Variants in HEXD observed in about 807,000 individuals in gnomAD.
HEXD encodes the protein hexosaminidase D.
In HEXD, 47 loss-of-function variants were observed where a neutral mutation model predicts 54.2. The ratio of observed to expected loss-of-function variants is 0.87; its 90% CI spans 0.69 to 1.11. The LOEUF is 1.11. HEXD is among the 50% of genes least tolerant of loss of function. The pLI, the probability that HEXD is intolerant of heterozygous loss-of-function variation, is 0.00. For synonymous variants in HEXD, 293 were observed against 287.6 expected (o/e 1.02, Z -0.19); for missense variants, 576 against 649.2 (o/e 0.89, Z 1.23).
intron 4 of HEXD, among the ~76,000 whole-genome samples, chr17:82,430,318 T>G (rs1227395877): frequency 6.6e-6 from 1 of 152,186 alleles, no homozygotes; most frequent in Non-Finnish European, 1.5e-5. Flanking sequence ...ACATCCAAAA[T>G]CAGCGTGTCG....
In HEXD at chr17:82,433,730, G is replaced by A. The variant is rs750795771; in HGVS notation, c.355G>A (p.Glu119Lys). The A allele has an allele frequency of 1.8e-5, 29 of 1,613,122 alleles. No homozygotes were observed. The highest frequency in any genetic ancestry group is 6.7e-5 in the Admixed American group (4 of 59,978). ...GSFPCTLNPH[E>K]AESLALVGAM... ...CTTCCCCTGCACCCTGAACCCCCAC[G>A]AGGCAGAGTCCCTGGCGCTGGTGGG... Residue 119 changes from glutamate to lysine, a missense_variant, in exon 5 of 13, where the codon GAG (glutamate) becomes AAG (lysine). Physicochemically the swap from Glu to Lys is moderately conservative, Grantham distance 56. Coordinates refer to ENST00000327949, the MANE Select transcript of HEXD (RefSeq NM_001330542.2).
At chr17:82,436,352 G>A (rs903134527) in intron 6 of HEXD, among the ~76,000 whole-genome samples, 2 of 152,240 alleles carry the variant, frequency 1.3e-5, no homozygotes, top group African/African-American at 2.4e-5. Flanking sequence ...GGGCCGTGCC[G>A]GCCTGGCAGC....
At chr17:82,428,410 TC>T (rs2053481341) in intron 3 of HEXD, 147 bp from the exon 4 acceptor site, 2 of 594,956 alleles carry the variant, frequency 3.4e-6, no homozygotes, top group Non-Finnish European at 5.9e-6. Context: ...TTTCCAGAAA[TC>T]AGGATACCTG....
At position 82,434,937 on chromosome 17, in the gene HEXD, G is replaced by T. The variant is rs933891212; in HGVS notation, c.448-752G>T. On this transcript the variant is annotated intron_variant, in intron 5 of 12. Coordinates refer to ENST00000327949, the MANE Select transcript of HEXD (RefSeq NM_001330542.2). The surrounding 1 kb of genome is among the most constrained non-coding windows in gnomAD (Gnocchi z 4.5). ...GAGGCAGGTGGACCACCTGAGATCAGGAGTTCAAGATCAGCCTGGCCAACA... is the reference window on the plus strand; with the variant it reads ...GAGGCAGGTGGACCACCTGAGATCATGAGTTCAAGATCAGCCTGGCCAACA... Among the ~76,000 whole-genome samples, 8 of 151,966 alleles carry T rather than the reference G, an allele frequency of 5.3e-5. No homozygotes were observed. Among genetic ancestry groups the T allele is most frequent in the African/African-American group, 1.9e-4 (8 of 41,360 alleles).
At chr17:82,431,128 G>C (rs2053564237) in intron 4 of HEXD, among the ~76,000 whole-genome samples, 1 of 151,328 alleles carries the variant, frequency 6.6e-6, no homozygotes, top group Admixed American at 6.6e-5. Flanking sequence ...TCAGCCTCCT[G>C]AGTAGCAGGG....
rs376168139 is a variant in HEXD at position 82,442,076 on chromosome 17, C to G, written c.1254-101C>G. The stretch of plus-strand genomic sequence containing the variant: ...TGCCGATGAGGTAGGGTCAGTAGCC[C>G]CATTTCACAGGTGAACTGAGGCACA... On this transcript the variant is annotated intron_variant, in intron 12 of 12. Coordinates refer to ENST00000327949, the MANE Select transcript of HEXD (RefSeq NM_001330542.2). The surrounding 1 kb of genome is among the most constrained non-coding windows in gnomAD (Gnocchi z 6.8). 6.9e-5 allele frequency: 99 copies of G among 1,431,200 alleles called. No homozygotes were observed. The African/African-American group carries it at 1.2e-3, about 18-fold the overall frequency. 88.7% of individuals were successfully genotyped at this position (1,431,200 alleles called of 1,614,324 possible). A position where few individuals can be genotyped will look rare whatever the true frequency, so the allele number is the denominator to read the frequency against.
At chr17:82,437,765 T>G (rs2053814481) in intron 8 of HEXD, among the ~76,000 whole-genome samples, 1 of 152,122 alleles carries the variant, frequency 6.6e-6, no homozygotes, top group South Asian at 2.1e-4. Flanking sequence ...AGGAAAGAAT[T>G]CAAGGCCAAG....
At chr17:82,435,495 C>T (rs1380498911) in intron 5 of HEXD, among the ~76,000 whole-genome samples, 194 bp from the exon 6 acceptor site, 1 of 152,170 alleles carries the variant, frequency 6.6e-6, no homozygotes, top group Non-Finnish European at 1.5e-5. Flanking sequence ...TCACAGGAAA[C>T]CTTGAGTAGA....
intron 4 of HEXD, among the ~76,000 whole-genome samples, chr17:82,431,005 GTTAT>G (rs905213846): frequency 1.3e-5 from 2 of 152,038 alleles, no homozygotes; most frequent in Non-Finnish European, 2.9e-5. Flanking sequence ...GAACATCCAA[GTTAT>G]TTGTCTTGAG....
chr17:82,435,050 C>T (rs1465806905), intron 5 of HEXD, among the ~76,000 whole-genome samples: 2 of 152,148 alleles, frequency 1.3e-5, no homozygotes, highest in African/African-American at 4.8e-5. Context: ...GAGACTGAGG[C>T]AGGAGAATCA....
chr17:82,436,641 C>T, intron 6 of HEXD, 26 bp from the exon 7 acceptor site: 2 of 1,594,648 alleles, frequency 1.3e-6, no homozygotes, highest in Non-Finnish European at 1.7e-6. Context: ...GGTGTCTCAC[C>T]AACCTCACGT....
intron 4 of HEXD, among the ~76,000 whole-genome samples, chr17:82,433,128 A>ATATATATTTTT (rs71168109): frequency 1.5e-4 from 2 of 13,072 alleles, no homozygotes; most frequent in African/African-American, 3.8e-4. Flanking sequence ...ATATATATAT[A>ATATATATTTTT]TTTTTTTTTT....
Position 82,437,349 on chromosome 17 carries a change from G to T in HEXD, c.885G>T (p.Leu295=). ...CGGACTCACTGCAGGGCATCATCCT[G>T]ACCGGCTGGCAGAGGTAAGTCCTGG... is the stretch of plus-strand genomic sequence containing the variant. ...GPTDSLQGII[L]TGWQRYDHYS... The change falls in exon 8 of 13, where the codon CTG becomes CTT. Residue 295 remains leucine, a synonymous_variant. Transcript: ENST00000327949. 1 of 1,601,374 alleles carries T rather than the reference G, an allele frequency of 6.2e-7. No individual in the cohort carries two copies. The highest frequency in any genetic ancestry group is 1.1e-5 in the South Asian group (1 of 89,894).
intron 1 of HEXD, 46 bp from the exon 2 acceptor site, chr17:82,419,703 G>A: frequency 2.8e-6 from 2 of 715,016 alleles, no homozygotes; most frequent in South Asian, 1.7e-5. Context: ...AAAGGCAAAG[G>A]GAGAAGCTTC....
chr17:82,419,537 G>A (rs1310716324), intron 1 of HEXD, among the ~76,000 whole-genome samples: 1 of 152,076 alleles, frequency 6.6e-6, no homozygotes, highest in Non-Finnish European at 1.5e-5. Context: ...AACTAGTGCT[G>A]TTTTGTTTTA....
At chr17:82,441,710 C>G in intron 11 of HEXD, 90 bp from the exon 12 acceptor site, 1 of 972,674 alleles carries the variant, frequency 1.0e-6, no homozygotes, top group South Asian at 1.3e-5. Flanking sequence ...AAATGTCAAC[C>G]CCATTCTTAA....
chr17:82,432,126 A>G (rs961623154), intron 4 of HEXD, among the ~76,000 whole-genome samples: 2 of 152,134 alleles, frequency 1.3e-5, no homozygotes, highest in African/African-American at 4.8e-5. Flanking sequence ...CCACACCTTG[A>G]GCCCACAGAC....
At chr17:82,435,974 C>T in intron 6 of HEXD, 102 bp downstream of exon 6, 2 of 1,190,804 alleles carry the variant, frequency 1.7e-6, no homozygotes, top group Non-Finnish European at 2.3e-6. Flanking sequence ...CAGGGTGAGC[C>T]CCAGCCCCGC....
At position 82,442,360 on chromosome 17, in the gene HEXD, C is replaced by A. The variant is rs150076334; in HGVS notation, c.1437C>A (p.Gly479=). The A allele has an allele frequency of 9.2e-4, 1,475 of 1,611,074 alleles. 6 individuals carry two copies. In the African/African-American group the frequency reaches 0.013, roughly 15 times the overall value. ...SAPPLPPTSP[G]RDVAQDP is the part of the protein sequence containing the mutation. ...CCCCGCTGCCACCCACCAGCCCTGG[C>A]AGGGACGTTGCTCAGGACCCCTGAG... Residue 479 remains glycine (G), a synonymous_variant, in exon 13 of 13, where the codon GGC becomes GGA. Transcript: ENST00000327949. The surrounding 1 kb of genome is among the most constrained non-coding windows in gnomAD (Gnocchi z 6.8).
Sources: gnomAD v4.1 joint callset for allele counts (sites outside exome capture counted in the v4.1 genomes callset) on GRCh38, gnomAD v4.1.1 for gene constraint, Gnocchi (gnomAD v3.1) non-coding constraint, MANE v1.5 for transcripts, NCBI Gene and HGNC (gene_info 2026-07-23, HGNC 2026-07-21) for gene names.